The following LSAMP variants were observed in gnomAD, a reference collection of about 807,000 sequenced individuals.
LSAMP encodes limbic system-associated membrane protein.
LSAMP carries 7 observed loss-of-function variants against 38.6 expected under a neutral mutation model. The ratio of observed to expected loss-of-function variants is 0.18; its 90% confidence interval spans 0.10 to 0.34. The LOEUF is 0.34. Ranked by LOEUF, LSAMP falls within the 10% of genes least tolerant of loss-of-function variation. The pLI is 1.00. For synonymous variants in LSAMP, 154 were observed against 166.8 expected, an observed-to-expected ratio of 0.92 and a Z score of 0.59; for missense variants, 313 against 420.0, an observed-to-expected ratio of 0.75 and a Z score of 2.23.
At chr3:116,397,944 G>C (rs952616740) in intron 1 of LSAMP, among the ~76,000 whole-genome samples, 26 of 151,782 alleles carry the variant, frequency 1.7e-4, no homozygotes, top group Admixed American at 1.2e-3. Flanking sequence ...TTCCACTTGA[G>C]TGCTTTTTAT....
intron 1 of LSAMP, among the ~76,000 whole-genome samples, chr3:116,397,498 T>G (rs1164767648): frequency 6.6e-6 from 1 of 151,750 alleles, no homozygotes; most frequent in Non-Finnish European, 1.5e-5. Flanking sequence ...TATTTACTTA[T>G]TTATTTATAT....
intron 1 of LSAMP, among the ~76,000 whole-genome samples, chr3:116,412,841 A>G (rs930928463): frequency 6.6e-6 from 1 of 152,114 alleles, no homozygotes; most frequent in Non-Finnish European, 1.5e-5. Flanking sequence ...CAGCATCAGT[A>G]TAGTATTGGA....
intron 6 of LSAMP, among the ~76,000 whole-genome samples, chr3:115,813,570 T>C (rs1293670300): frequency 6.6e-6 from 1 of 152,186 alleles, no homozygotes; most frequent in African/African-American, 2.4e-5. Context: ...TTATTATTTA[T>C]TAAGTGCTCT....
intron 3 of LSAMP, among the ~76,000 whole-genome samples, chr3:116,008,974 T>C (rs1241924954): frequency 2.0e-5 from 3 of 152,212 alleles, no homozygotes; most frequent in Non-Finnish European, 4.4e-5. Flanking sequence ...AGCAATATTC[T>C]GTATTTCCAC....
intron 1 of LSAMP, among the ~76,000 whole-genome samples, chr3:116,192,233 G>A (rs1018428799): frequency 6.6e-6 from 1 of 152,126 alleles, no homozygotes; most frequent in South Asian, 2.1e-4. Flanking sequence ...TGATTGTTCC[G>A]ATCAGTGAGA....
At chr3:116,385,893 A>G (rs1243146626) in intron 1 of LSAMP, among the ~76,000 whole-genome samples, 2 of 151,494 alleles carry the variant, frequency 1.3e-5, no homozygotes, top group Non-Finnish European at 2.9e-5. Context: ...AAAGAAATAA[A>G]GCAAGGAATA....
At chr3:115,874,312 A>C (rs1399790955) in intron 3 of LSAMP, among the ~76,000 whole-genome samples, 2 of 152,074 alleles carry the variant, frequency 1.3e-5, no homozygotes, top group Non-Finnish European at 2.9e-5. Flanking sequence ...CTGTCTCAGC[A>C]TCTTTCCTTC....
chr3:116,003,543 T>G (rs978753388), intron 3 of LSAMP, among the ~76,000 whole-genome samples: 2 of 152,138 alleles, frequency 1.3e-5, no homozygotes, highest in African/African-American at 4.8e-5. Context: ...AAAAGATATA[T>G]ACAAGTCCTT....
At chr3:116,037,823 A>T (rs1941081155) in intron 2 of LSAMP, among the ~76,000 whole-genome samples, 1 of 152,050 alleles carries the variant, frequency 6.6e-6, no homozygotes, top group African/African-American at 2.4e-5. Context: ...TGATATATAT[A>T]TATCAGTAAT....
At chr3:115,959,023 C>T (rs917350338) in intron 3 of LSAMP, among the ~76,000 whole-genome samples, 10 of 152,122 alleles carry the variant, frequency 6.6e-5, no homozygotes, top group African/African-American at 2.4e-4. Context: ...GTTCCTTCTC[C>T]TTCCTCAGCA....
At chr3:115,969,375 G>A (rs1576268693) in intron 3 of LSAMP, among the ~76,000 whole-genome samples, 2 of 152,156 alleles carry the variant, frequency 1.3e-5, no homozygotes. Flanking sequence ...TTTGGTATGT[G>A]TGTGTGAAGT....
At chr3:115,978,035 C>T (rs1032891810) in intron 3 of LSAMP, among the ~76,000 whole-genome samples, 11 of 151,982 alleles carry the variant, frequency 7.2e-5, no homozygotes, top group Admixed American at 3.3e-4. Flanking sequence ...TTTTGAAACA[C>T]GGTCTCTCTG....
intron 4 of LSAMP, among the ~76,000 whole-genome samples, chr3:115,845,048 C>T (rs1442103860): frequency 6.6e-6 from 1 of 152,148 alleles, no homozygotes; most frequent in Non-Finnish European, 1.5e-5. Flanking sequence ...GGCTTCAGAA[C>T]TGATGAGACT....
intron 1 of LSAMP, among the ~76,000 whole-genome samples, chr3:116,274,042 T>C (rs953320950): frequency 8.1e-5 from 12 of 148,208 alleles, no homozygotes; most frequent in Non-Finnish European, 1.3e-4. Flanking sequence ...CATTAAATGT[T>C]ACCTCTTCAT....
chr3:116,112,039 A>G (rs1708627760), intron 1 of LSAMP, among the ~76,000 whole-genome samples: 1 of 152,236 alleles, frequency 6.6e-6, no homozygotes. Context: ...CAATGGGATT[A>G]ACCTGGACAG....
chr3:116,140,808 T>C (rs891391489), intron 1 of LSAMP, among the ~76,000 whole-genome samples: 2 of 151,898 alleles, frequency 1.3e-5, no homozygotes, highest in African/African-American at 4.8e-5. Context: ...TCTGAAATGG[T>C]CACAATTTTA....
At chr3:116,084,378 G>A (rs1487301570) in intron 2 of LSAMP, among the ~76,000 whole-genome samples, 1 of 150,752 alleles carries the variant, frequency 6.6e-6, no homozygotes, top group Admixed American at 6.6e-5. Flanking sequence ...AGGAACATTG[G>A]GCATTTGGTG....
At chr3:116,302,540 T>C (rs532786362) in intron 1 of LSAMP, among the ~76,000 whole-genome samples, 2 of 152,328 alleles carry the variant, frequency 1.3e-5, no homozygotes, top group East Asian at 3.9e-4. Flanking sequence ...GTCTGACACA[T>C]AGGAGGTAGT....
chr3:116,302,948 T>C (rs1212919532), intron 1 of LSAMP, among the ~76,000 whole-genome samples: 1 of 152,038 alleles, frequency 6.6e-6, no homozygotes, highest in Non-Finnish European at 1.5e-5. Context: ...ATATATCCCT[T>C]TTCAAAAACA....
Sources: gnomAD v4.1 joint callset for allele counts (sites outside exome capture counted in the v4.1 genomes callset) on GRCh38, gnomAD v4.1.1 for gene constraint, MANE v1.5 for transcripts, NCBI Gene and HGNC (gene_info 2026-07-23, HGNC 2026-07-21) for gene names.